The following STX8 variants were observed in gnomAD, a reference collection of about 807,000 sequenced individuals.
The protein encoded by STX8 is syntaxin-8.
STX8 carries 23 observed loss-of-function variants against 37.5 expected under a neutral mutation model. The observed-to-expected ratio is 0.61, with a 90% CI of 0.44 to 0.87. The LOEUF is 0.87. Ranked by LOEUF, STX8 falls within the 40% of genes least tolerant of loss-of-function variation. The probability of loss-of-function intolerance (pLI) is 0.00; values close to 1 mark genes in which losing one functional copy is unlikely to be tolerated. For missense variants in STX8, 313 were observed against 284.7 expected (o/e 1.10, Z -0.71); for synonymous variants, 115 against 99.1 (o/e 1.16, Z -0.95).
chr17:9,526,506 T>C (rs1157445439), intron 4 of STX8, among the ~76,000 whole-genome samples: 1 of 152,126 alleles, frequency 6.6e-6, no homozygotes. Context: ...GAGGGAGAAA[T>C]AACTTTTATT....
At chr17:9,384,069 C>T (rs1007967572) in intron 6 of STX8, among the ~76,000 whole-genome samples, 2 of 152,080 alleles carry the variant, frequency 1.3e-5, no homozygotes, top group African/African-American at 4.8e-5. Flanking sequence ...TTCACATTCC[C>T]ACCTACAGTA....
intron 6 of STX8, among the ~76,000 whole-genome samples, chr17:9,407,414 CAACA>C (rs1912839435): frequency 1.3e-5 from 2 of 152,110 alleles, no homozygotes; most frequent in Non-Finnish European, 1.5e-5. Context: ...TTAAAAACAA[CAACA>C]AAAACCACAA....
chr17:9,503,864 A>T (rs1366250375), intron 5 of STX8, among the ~76,000 whole-genome samples: 1 of 152,176 alleles, frequency 6.6e-6, no homozygotes, highest in African/African-American at 2.4e-5. Flanking sequence ...TCCTGGGTTC[A>T]AGCGATTCTC....
At chr17:9,531,054 T>C (rs1905797871) in intron 4 of STX8, among the ~76,000 whole-genome samples, 1 of 152,250 alleles carries the variant, frequency 6.6e-6, no homozygotes, top group African/African-American at 2.4e-5. Flanking sequence ...CATAATGCCA[T>C]TTATTGAAAA....
At chr17:9,487,697 C>T (rs781638030) in intron 6 of STX8, among the ~76,000 whole-genome samples, 41 of 151,868 alleles carry the variant, frequency 2.7e-4, no homozygotes, top group Non-Finnish European at 4.6e-4. Flanking sequence ...TGTAGCCACC[C>T]GGGTATGAGA....
chr17:9,251,802 ATACCAATC>A (rs1421087840), intron 7 of STX8, among the ~76,000 whole-genome samples: 1 of 152,250 alleles, frequency 6.6e-6, no homozygotes, highest in African/African-American at 2.4e-5. Context: ...GGATCAGGCC[ATACCAATC>A]TTAAGCTCAA....
At chr17:9,430,154 AAAT>A (rs1913901337) in intron 6 of STX8, among the ~76,000 whole-genome samples, 2 of 112,250 alleles carry the variant, frequency 1.8e-5, no homozygotes, top group African/African-American at 7.0e-5. Context: ...TTTATATATA[AAAT>A]ATAAAATATA....
intron 7 of STX8, among the ~76,000 whole-genome samples, chr17:9,354,034 T>C (rs1250024687): frequency 1.3e-5 from 2 of 152,210 alleles, no homozygotes; most frequent in African/African-American, 2.4e-5. Context: ...TTCTGTTACT[T>C]ATCTCCACAC....
intron 4 of STX8, among the ~76,000 whole-genome samples, chr17:9,542,821 T>C (rs2051815400): frequency 6.6e-6 from 1 of 152,172 alleles, no homozygotes; most frequent in Non-Finnish European, 1.5e-5. Context: ...GGGTTCGGGT[T>C]GGAAAATTCT....
chr17:9,250,992 T>G (rs1906555142), intron 7 of STX8, among the ~76,000 whole-genome samples: 1 of 152,140 alleles, frequency 6.6e-6, no homozygotes, highest in African/African-American at 2.4e-5. Flanking sequence ...CCCAATCAGA[T>G]TATGCATTGA....
intron 7 of STX8, among the ~76,000 whole-genome samples, chr17:9,327,043 G>A (rs1465962306): frequency 1.3e-5 from 2 of 151,968 alleles, no homozygotes; most frequent in Non-Finnish European, 2.9e-5. Flanking sequence ...TGTAATCCCA[G>A]CTATTCGGGA....
chr17:9,312,626 G>A lies in STX8; in HGVS notation c.644-61981C>T, dbSNP rs73267905. 9.4e-3 allele frequency among the ~76,000 whole-genome samples: 1,432 copies of A among 152,298 alleles called. 19 individuals carry two copies. The highest frequency in any genetic ancestry group is 0.033 in the African/African-American group (1,365 of 41,570). ...GAGTTGAGGCTTATACAGAAATCAC[G>A]CAAGCTGGACTGATTTGTTAGGAGA... On this transcript the variant is annotated intron_variant, in intron 7 of 7. Coordinates refer to ENST00000306357, the MANE Select transcript of STX8 (RefSeq NM_004853.3).
chr17:9,265,127 A>G (rs1341193707), intron 7 of STX8, among the ~76,000 whole-genome samples: 1 of 150,444 alleles, frequency 6.6e-6, no homozygotes, highest in Non-Finnish European at 1.5e-5. Flanking sequence ...TGAAAAGAAA[A>G]AAAAAAAAAA....
intron 7 of STX8, among the ~76,000 whole-genome samples, chr17:9,370,407 A>G (rs1050019870): frequency 1.3e-5 from 2 of 152,116 alleles, no homozygotes; most frequent in African/African-American, 4.8e-5. Context: ...TCTCTAAGTC[A>G]CCCAGGCTGT....
intron 4 of STX8, among the ~76,000 whole-genome samples, chr17:9,506,407 T>TTCCCCCC (rs1365525760): frequency 2.5e-5 from 1 of 39,332 alleles, no homozygotes. Context: ...GCTCACCCGC[T>TTCCCCCC]CCCCCCCCCC....
At chr17:9,408,165 C>T (rs1478475503) in intron 6 of STX8, among the ~76,000 whole-genome samples, 1 of 152,064 alleles carries the variant, frequency 6.6e-6, no homozygotes, top group Admixed American at 6.5e-5. Flanking sequence ...CTCCCCAGAC[C>T]CCTTATATAG....
intron 6 of STX8, among the ~76,000 whole-genome samples, chr17:9,416,716 C>G (rs750202081): frequency 2.0e-5 from 3 of 151,954 alleles, no homozygotes; most frequent in Non-Finnish European, 4.4e-5. Context: ...AAAACAAACC[C>G]CCTCCTTGCT....
rs78084979 is a variant in STX8, at chr17:9,333,678, G to C, written c.643+44874C>G. Among the ~76,000 whole-genome samples the C allele has an allele frequency of 3.8e-3, 574 of 152,296 alleles. 16 individuals are homozygous for C. Among genetic ancestry groups the C allele is most frequent in the Admixed American group, 0.028 (426 of 15,298 alleles). On this transcript the variant is annotated intron_variant, in intron 7 of 7. Transcript: ENST00000306357. ...TGCTCGGATTACAGGCGTGAGCCACGGCGCCTGGCCTAAAATAACTTATAA... is the reference window on the plus strand; with the variant it reads ...TGCTCGGATTACAGGCGTGAGCCACCGCGCCTGGCCTAAAATAACTTATAA...
chr17:9,503,840 C>G (rs1904716501), intron 5 of STX8, among the ~76,000 whole-genome samples: 1 of 152,204 alleles, frequency 6.6e-6, no homozygotes. Flanking sequence ...TATCGGCTCA[C>G]TGCAACCTCT....
Sources: allele counts gnomAD v4.1 joint callset (sites outside exome capture counted in the v4.1 genomes callset), GRCh38; gene constraint gnomAD v4.1.1; transcripts MANE v1.5; gene names NCBI Gene and HGNC (gene_info 2026-07-23, HGNC 2026-07-21).